The following IL1RAPL1 variants were observed in gnomAD, a reference collection of about 807,000 sequenced individuals.
IL1RAPL1 encodes the protein interleukin 1 receptor accessory protein like 1, also known as interleukin-1 receptor accessory protein-like 1.
In IL1RAPL1, 3 loss-of-function variants were observed where a neutral mutation model predicts 48.4. The ratio of observed to expected loss-of-function variants is 0.06; its 90% CI spans 0.03 to 0.16. The LOEUF (loss-of-function observed/expected upper bound fraction) is 0.16, where lower values mean the gene tolerates loss of function less well. Ranked by LOEUF, IL1RAPL1 falls within the 10% of genes least tolerant of loss-of-function variation. The pLI, the probability that IL1RAPL1 is intolerant of heterozygous loss-of-function variation, is 1.00. For missense variants in IL1RAPL1, 349 were observed against 530.6 expected (o/e 0.66, Z 3.36); for synonymous variants, 185 against 187.7 (o/e 0.99, Z 0.12).
intron 2 of IL1RAPL1, among the ~76,000 whole-genome samples, chrX:29,158,931 TCCCC>T (rs1176557881): frequency 1.8e-5 from 1 of 55,677 alleles, no homozygotes; most frequent in Non-Finnish European, 3.4e-5. Context: ...TCTCTCTCTC[TCCCC>T]CCCCCTCCCT....
rs112503140 is a variant in IL1RAPL1, at chrX:29,031,501, G to A, written c.82+242076G>A. ...TCATTGTGGATTAGTTAGGCTTTTA[G>A]TAAAAACAACATTGTAATGACCTTG... On this transcript the variant is annotated intron_variant, in intron 2 of 10. Transcript: ENST00000378993. 6.1e-3 allele frequency among the ~76,000 whole-genome samples: 680 copies of A among 111,837 alleles called. 8 individuals carry two copies. The highest frequency in any genetic ancestry group is 0.021 in the African/African-American group (651 of 30,806).
intron 2 of IL1RAPL1, among the ~76,000 whole-genome samples, chrX:29,071,754 TCA>T (rs1927569428): frequency 1.8e-5 from 2 of 111,562 alleles, no homozygotes; most frequent in African/African-American, 6.5e-5. Context: ...ATTCTTTTCC[TCA>T]CAAGTCTCAG....
chrX:28,896,235 GT>G (rs1286160870), intron 2 of IL1RAPL1, among the ~76,000 whole-genome samples: 12 of 112,237 alleles, frequency 1.1e-4, no homozygotes, highest in African/African-American at 3.9e-4. Context: ...TGAAGGTGAG[GT>G]TAATTAAGTC....
rs758248987 is a variant in IL1RAPL1 at position 29,675,885 on chromosome X, G to A, written c.778+7381G>A. Among the ~76,000 whole-genome samples, 30 of 112,465 alleles carry A rather than the reference G, an allele frequency of 2.7e-4. No homozygotes were observed. In the East Asian group the frequency reaches 7.6e-3, roughly 28 times the overall value. ...ATTACAGGCGTGAGCCACCACACCC[G>A]GTTAAACCTTTTTCATTTATTGATG... On this transcript the variant is annotated intron_variant, in intron 6 of 10. Transcript: ENST00000378993.
intron 3 of IL1RAPL1, among the ~76,000 whole-genome samples, chrX:29,333,399 C>A (rs1932913276): frequency 1.1e-5 from 1 of 90,896 alleles, no homozygotes; most frequent in African/African-American, 4.0e-5. Context: ...GCTGGCCGGG[C>A]GGGGGGCTGA....
intron 1 of IL1RAPL1, among the ~76,000 whole-genome samples, chrX:28,641,189 T>C (rs1315877607): frequency 9.1e-6 from 1 of 110,098 alleles, no homozygotes; most frequent in Non-Finnish European, 1.9e-5. Flanking sequence ...ACATTAGGTA[T>C]TTCTCCTAAT....
At chrX:28,658,844 G>A (rs1160379886) in intron 1 of IL1RAPL1, among the ~76,000 whole-genome samples, 1 of 111,204 alleles carries the variant, frequency 9.0e-6, no homozygotes, top group African/African-American at 3.3e-5. Flanking sequence ...TTGCATTAAT[G>A]CTTTATGACT....
intron 3 of IL1RAPL1, among the ~76,000 whole-genome samples, chrX:29,333,735 G>A (rs1430913407): frequency 2.5e-5 from 2 of 81,090 alleles, no homozygotes; most frequent in African/African-American, 4.9e-5. Context: ...CCTCCCGGAC[G>A]GGGCGGCTGG....
At chrX:29,425,497 A>G (rs927418310) in intron 5 of IL1RAPL1, among the ~76,000 whole-genome samples, 1 of 111,612 alleles carries the variant, frequency 9.0e-6, no homozygotes, top group African/African-American at 3.3e-5. Context: ...TCTGGTTCAT[A>G]TCTCTGTCAA....
At chrX:29,951,006 TAAG>T (rs779388490) in intron 9 of IL1RAPL1, among the ~76,000 whole-genome samples, 1 of 111,374 alleles carries the variant, frequency 9.0e-6, no homozygotes, top group Non-Finnish European at 1.9e-5. Context: ...TGAATCACAG[TAAG>T]AAGCTACAGT....
chrX:28,745,628 A>G (rs1935966253), intron 1 of IL1RAPL1, among the ~76,000 whole-genome samples: 1 of 111,865 alleles, frequency 8.9e-6, no homozygotes, highest in Non-Finnish European at 1.9e-5. Context: ...ATAAAGATGT[A>G]GTGTAGGAGC....
At chrX:29,595,328 T>A (rs1283979985) in intron 5 of IL1RAPL1, among the ~76,000 whole-genome samples, 2 of 112,246 alleles carry the variant, frequency 1.8e-5, no homozygotes, top group African/African-American at 6.5e-5. Context: ...TTTTCCATAG[T>A]GGTCGTACTA....
chrX:28,962,137 A>G lies in IL1RAPL1; in HGVS notation c.82+172712A>G, dbSNP rs761695458. On this transcript the variant is annotated intron_variant, in intron 2 of 10. Transcript: ENST00000378993. ...TCTTTTCTGAAATTTAGGAACATCA[A>G]ATATTTTGCTATGAGACCTGTCTTC... Among the ~76,000 whole-genome samples, 6 of 111,720 alleles carry G rather than the reference A, an allele frequency of 5.4e-5. No individual in the cohort carries two copies. In the South Asian group the frequency reaches 2.3e-3, roughly 42 times the overall value.
intron 6 of IL1RAPL1, among the ~76,000 whole-genome samples, chrX:29,730,842 T>C (rs1395175631): frequency 9.0e-6 from 1 of 111,664 alleles, no homozygotes; most frequent in Non-Finnish European, 1.9e-5. Flanking sequence ...CCCACAGATA[T>C]GAGATGACAC....
At chrX:29,772,085 C>T (rs186777275) in intron 6 of IL1RAPL1, among the ~76,000 whole-genome samples, 37 of 109,397 alleles carry the variant, frequency 3.4e-4, no homozygotes, top group Non-Finnish European at 6.1e-4. Context: ...ATGGGAGCTA[C>T]GATTCGAGAT....
chrX:29,229,174 G>T (rs1357224855), intron 2 of IL1RAPL1, among the ~76,000 whole-genome samples: 3 of 111,256 alleles, frequency 2.7e-5, no homozygotes, highest in Non-Finnish European at 5.7e-5. Flanking sequence ...ATTTCAGTTA[G>T]CCTACTGTTT....
At chrX:29,605,477 G>T (rs923871571) in intron 5 of IL1RAPL1, among the ~76,000 whole-genome samples, 3 of 110,664 alleles carry the variant, frequency 2.7e-5, no homozygotes, top group Non-Finnish European at 5.7e-5. Context: ...TAATGTGCTT[G>T]TTTGGTTTTC....
intron 6 of IL1RAPL1, among the ~76,000 whole-genome samples, chrX:29,880,400 A>G (rs1053415792): frequency 8.9e-6 from 1 of 112,231 alleles, no homozygotes. Context: ...TGTTTTGCAC[A>G]TAGTGTAACA....
chrX:28,675,686 T>A (rs196987), intron 1 of IL1RAPL1, among the ~76,000 whole-genome samples: 35,541 of 110,655 alleles, frequency 0.32, 4,365 homozygotes, highest in Middle Eastern at 0.45. Flanking sequence ...TGCTAACTAC[T>A]GTGGAGAAAT....
Sources: gnomAD v4.1 joint callset for allele counts (sites outside exome capture counted in the v4.1 genomes callset) on GRCh38, gnomAD v4.1.1 for gene constraint, MANE v1.5 for transcripts, NCBI Gene and HGNC (gene_info 2026-07-23, HGNC 2026-07-21) for gene names.